Variants in RASGRF2 observed in about 807,000 individuals in gnomAD.
RASGRF2 encodes ras-specific guanine nucleotide-releasing factor 2.
RASGRF2 carries 76 observed loss-of-function variants against 151.0 expected under a neutral mutation model. The ratio of observed to expected loss-of-function variants is 0.50; its 90% CI spans 0.42 to 0.61. RASGRF2 has a LOEUF of 0.61. RASGRF2 is among the 20% of genes least tolerant of loss of function. The pLI is 0.00. For missense variants in RASGRF2, 1,148 were observed against 1,564.6 expected, an observed-to-expected ratio of 0.73 and a Z score of 4.49; for synonymous variants, 504 against 566.5, an observed-to-expected ratio of 0.89 and a Z score of 1.57.
At chr5:81,055,409 G>C (rs1367810624) in intron 2 of RASGRF2, among the ~76,000 whole-genome samples, 4 of 152,126 alleles carry the variant, frequency 2.6e-5, no homozygotes, top group Admixed American at 1.3e-4. Flanking sequence ...CGTTGGTTCT[G>C]TTTATATGCT....
intron 18 of RASGRF2, among the ~76,000 whole-genome samples, chr5:81,186,219 A>G (rs1340933039): frequency 1.3e-5 from 2 of 152,174 alleles, no homozygotes; most frequent in African/African-American, 4.8e-5. Flanking sequence ...ACCGCATATA[A>G]AGGGCAATAA....
Position 81,120,694 on chromosome 5 carries a change from A to G in RASGRF2, c.2471-2948A>G, listed in dbSNP as rs146977702. 1.6e-3 allele frequency among the ~76,000 whole-genome samples: 250 copies of G among 152,362 alleles called. 3 individuals carry two copies. The highest frequency in any genetic ancestry group is 0.016 in the East Asian group (83 of 5,188). ...AAGTGTATGGTTACTGAACAAATGA[A>G]TACTGTGTGGTCTTCTGCAATTCCT... On this transcript the variant is annotated intron_variant, in intron 15 of 26. Transcript: ENST00000265080.
chr5:81,160,669 G>A (rs1754360582), intron 17 of RASGRF2, among the ~76,000 whole-genome samples: 1 of 137,162 alleles, frequency 7.3e-6, no homozygotes, highest in Admixed American at 7.4e-5. Flanking sequence ...GACAGAGCAA[G>A]ACTCTGTCTC....
intron 2 of RASGRF2, among the ~76,000 whole-genome samples, chr5:81,053,389 T>C (rs1191493822): frequency 6.6e-6 from 1 of 150,582 alleles, no homozygotes. Flanking sequence ...GGTTTTTTGC[T>C]CTTGCGATAG....
intron 1 of RASGRF2, among the ~76,000 whole-genome samples, chr5:80,968,007 G>A (rs917486601): frequency 3.3e-5 from 5 of 152,204 alleles, no homozygotes; most frequent in Non-Finnish European, 7.3e-5. Context: ...ACATGATCTT[G>A]AGCAATTTCT....
intron 18 of RASGRF2, among the ~76,000 whole-genome samples, chr5:81,184,237 A>G (rs1283523678): frequency 1.3e-5 from 2 of 152,166 alleles, no homozygotes; most frequent in African/African-American, 4.8e-5. Flanking sequence ...AGAGGTCTAC[A>G]TGCTTCTTGA....
At chr5:81,124,899 T>C (rs1035772749) in intron 16 of RASGRF2, among the ~76,000 whole-genome samples, 1 of 148,926 alleles carries the variant, frequency 6.7e-6, no homozygotes, top group African/African-American at 2.5e-5. Flanking sequence ...CTTTTTTTTT[T>C]GGTTTGGAGA....
intron 18 of RASGRF2, among the ~76,000 whole-genome samples, chr5:81,181,047 G>T (rs1255146097): frequency 6.6e-6 from 1 of 152,098 alleles, no homozygotes; most frequent in Non-Finnish European, 1.5e-5. Flanking sequence ...GAGAGAATGG[G>T]CCCTGCCTGG....
At position 81,094,277 on chromosome 5, in the gene RASGRF2, A is replaced by G; in HGVS notation, c.1552-19A>G. On this transcript the variant is annotated intron_variant, in intron 10 of 26. Transcript: ENST00000265080. ...CACAAGACCTTCAGCGTCTTAGTGAAAAATTGGTTTGTTTCCAGACAGGTG... is the reference window on the plus strand; with the variant it reads ...CACAAGACCTTCAGCGTCTTAGTGAGAAATTGGTTTGTTTCCAGACAGGTG... The G allele has an allele frequency of 6.2e-7, 1 of 1,608,648 alleles. No individual in the cohort carries two copies. The highest frequency in any genetic ancestry group is 8.5e-7 in the Non-Finnish European group (1 of 1,176,030).
chr5:81,168,023 G>A (rs993231525), intron 17 of RASGRF2, among the ~76,000 whole-genome samples: 1 of 152,180 alleles, frequency 6.6e-6, no homozygotes, highest in Admixed American at 6.5e-5. Flanking sequence ...TGATGATCTT[G>A]TCTCATATTT....
chr5:81,058,269 A>G (rs1483851477), intron 2 of RASGRF2, among the ~76,000 whole-genome samples: 1 of 152,178 alleles, frequency 6.6e-6, no homozygotes, highest in African/African-American at 2.4e-5. Flanking sequence ...ATAGCTAACC[A>G]AATGAAAATA....
chr5:81,212,703 A>T (rs987243833), intron 23 of RASGRF2, 140 bp downstream of exon 23: 3 of 760,554 alleles, frequency 3.9e-6, no homozygotes, highest in Non-Finnish European at 6.1e-6. Flanking sequence ...CAACATGGGT[A>T]ATTACAGGGC....
Position 81,123,627 on chromosome 5 carries a change from G to T in RASGRF2, c.2471-15G>T. On this transcript the variant is annotated splice_polypyrimidine_tract_variant and intron_variant, in intron 15 of 26. Transcript: ENST00000265080. ...TCATGGCCTGGTTGTTAAAATTCAT[G>T]ATGTTTTCAAGCAGCAGTCCTAGAG... 1.2e-6 allele frequency: 2 copies of T among 1,604,358 alleles called. No individual in the cohort carries two copies. The highest frequency in any genetic ancestry group is 1.7e-6 in the Non-Finnish European group (2 of 1,176,138).
intron 1 of RASGRF2, among the ~76,000 whole-genome samples, chr5:81,023,089 G>T (rs1304409278): frequency 6.6e-6 from 1 of 151,700 alleles, no homozygotes; most frequent in Non-Finnish European, 1.5e-5. Context: ...GAGGGTAGAG[G>T]GTGGGAGGGA....
chr5:81,034,185 A>G (rs1362767635), intron 1 of RASGRF2, among the ~76,000 whole-genome samples: 1 of 151,938 alleles, frequency 6.6e-6, no homozygotes, highest in African/African-American at 2.4e-5. Flanking sequence ...GCAGCCAAAA[A>G]ACACATGAAA....
intron 1 of RASGRF2, among the ~76,000 whole-genome samples, chr5:80,986,164 T>G (rs950772175): frequency 5.9e-5 from 9 of 152,190 alleles, no homozygotes; most frequent in African/African-American, 2.2e-4. Context: ...TATCTGAAAT[T>G]ATATGTTTTG....
Position 81,225,660 on chromosome 5 carries a change from C to T in RASGRF2, c.3622-18C>T. The T allele has an allele frequency of 6.2e-7, 1 of 1,610,538 alleles. No individual in the cohort carries two copies. The highest frequency in any genetic ancestry group is 8.5e-7 in the Non-Finnish European group (1 of 1,179,014). ...TGTCTGAAAGAGGTAAAAGCTGGGA[C>T]TTCCCCTTTTTTTTCAGGTCGCACA... is the stretch of plus-strand genomic sequence containing the variant. On this transcript the variant is annotated intron_variant, in intron 26 of 26. Transcript: ENST00000265080.
At chr5:81,129,965 T>A (rs1753571355) in intron 17 of RASGRF2, among the ~76,000 whole-genome samples, 1 of 152,190 alleles carries the variant, frequency 6.6e-6, no homozygotes, top group African/African-American at 2.4e-5. Flanking sequence ...TTGAATCGTT[T>A]GAATGTGCTT....
chr5:80,968,343 T>A (rs188558121), intron 1 of RASGRF2, among the ~76,000 whole-genome samples: 1 of 146,750 alleles, frequency 6.8e-6, no homozygotes, highest in East Asian at 1.9e-4. Context: ...GTTTTATCTG[T>A]CTCCATGTGT....
Sources: allele counts gnomAD v4.1 joint callset (sites outside exome capture counted in the v4.1 genomes callset), GRCh38; gene constraint gnomAD v4.1.1; transcripts MANE v1.5; gene names NCBI Gene and HGNC (gene_info 2026-07-23, HGNC 2026-07-21).